Variants in CASR observed in about 807,000 individuals in gnomAD.
CASR encodes the protein calcium sensing receptor, also known as extracellular calcium-sensing receptor.
CASR carries 23 observed loss-of-function variants against 69.1 expected under a neutral mutation model. That is an observed-to-expected ratio of 0.33 (90% CI 0.24 to 0.47). The LOEUF is 0.47. CASR is among the 20% of genes least tolerant of loss of function. The pLI, the probability that CASR is intolerant of heterozygous loss-of-function variation, is 1.00. For synonymous variants in CASR, 541 were observed against 544.7 expected (o/e 0.99, Z 0.10); for missense variants, 924 against 1,356.1 (o/e 0.68, Z 5.00).
chr3:122,216,976 A>G (rs888746402), intron 1 of CASR, among the ~76,000 whole-genome samples: 9 of 152,250 alleles, frequency 5.9e-5, no homozygotes, highest in African/African-American at 2.2e-4. Context: ...CATTGAACAT[A>G]CAGTGGTGAA....
At chr3:122,238,374 C>CT (rs1176054057) in intron 1 of CASR, among the ~76,000 whole-genome samples, 2 of 152,166 alleles carry the variant, frequency 1.3e-5, no homozygotes, top group African/African-American at 2.4e-5. Flanking sequence ...TGGACCAGCC[C>CT]TAGCAAGAGG....
At chr3:122,243,864 C>A (rs1298073203) in intron 1 of CASR, among the ~76,000 whole-genome samples, 1 of 151,870 alleles carries the variant, frequency 6.6e-6, no homozygotes, top group Non-Finnish European at 1.5e-5. Context: ...AAAATGAGAT[C>A]CTGTCATTTG....
chr3:122,214,354 T>C (rs1450000079), intron 1 of CASR, among the ~76,000 whole-genome samples: 2 of 151,722 alleles, frequency 1.3e-5, no homozygotes, highest in African/African-American at 4.8e-5. Flanking sequence ...GGGGGCAGTA[T>C]AGACAAACAA....
intron 1 of CASR, among the ~76,000 whole-genome samples, chr3:122,236,067 C>A (rs936152638): frequency 4.6e-5 from 7 of 152,210 alleles, no homozygotes; most frequent in African/African-American, 1.7e-4. Flanking sequence ...CTTCCCTGCA[C>A]CCGGCCCCAT....
intron 1 of CASR, among the ~76,000 whole-genome samples, chr3:122,214,799 G>A (rs2107597865): frequency 6.6e-6 from 1 of 152,310 alleles, no homozygotes; most frequent in African/African-American, 2.4e-5. Context: ...GTGGCAGCAG[G>A]GTAGTAAGGC....
chr3:122,269,406 C>G (rs1307996138), intron 4 of CASR, among the ~76,000 whole-genome samples: 2 of 152,072 alleles, frequency 1.3e-5, no homozygotes, highest in Admixed American at 1.3e-4. Context: ...CCTATATTGC[C>G]GAGAGCTTTT....
chr3:122,251,118 T>A (rs1051531536), intron 1 of CASR, among the ~76,000 whole-genome samples: 28 of 152,120 alleles, frequency 1.8e-4, no homozygotes, highest in Non-Finnish European at 1.8e-4. Context: ...TCTGCTGGGG[T>A]CATCCTTCCA....
intron 1 of CASR, among the ~76,000 whole-genome samples, chr3:122,198,362 G>A (rs1173354452): frequency 6.6e-6 from 1 of 152,124 alleles, no homozygotes; most frequent in East Asian, 1.9e-4. Flanking sequence ...TTGGCTATGT[G>A]AATTTTGACT....
chr3:122,263,169 C>T (rs1054254297), intron 4 of CASR, among the ~76,000 whole-genome samples: 10 of 152,180 alleles, frequency 6.6e-5, no homozygotes, highest in Non-Finnish European at 1.5e-4. Flanking sequence ...CCATGTTTCA[C>T]ACTCCTTTTG....
At chr3:122,244,395 A>T (rs1160785960) in intron 1 of CASR, among the ~76,000 whole-genome samples, 5 of 152,178 alleles carry the variant, frequency 3.3e-5, no homozygotes, top group African/African-American at 1.2e-4. Context: ...CATTAGCAGG[A>T]GAATGGATAG....
At chr3:122,269,366 T>C (rs1386078286) in intron 4 of CASR, among the ~76,000 whole-genome samples, 1 of 152,228 alleles carries the variant, frequency 6.6e-6, no homozygotes, top group African/African-American at 2.4e-5. Context: ...ATAGATGCCC[T>C]TTATAGAGTT....
intron 1 of CASR, among the ~76,000 whole-genome samples, chr3:122,246,107 TA>T (rs539045652): frequency 8.8e-4 from 134 of 152,336 alleles, no homozygotes; most frequent in Admixed American, 2.0e-3. Context: ...CGTTTCAGTG[TA>T]AACCAGATAA....
intron 4 of CASR, among the ~76,000 whole-genome samples, chr3:122,266,482 T>C (rs1276243381): frequency 6.6e-6 from 1 of 152,012 alleles, no homozygotes; most frequent in Non-Finnish European, 1.5e-5. Flanking sequence ...CAGGCTGGAA[T>C]GCAGCGGCCC....
chr3:122,196,001 A>G (rs1273847110), intron 1 of CASR, among the ~76,000 whole-genome samples: 1 of 152,216 alleles, frequency 6.6e-6, no homozygotes, highest in African/African-American at 2.4e-5. Flanking sequence ...AATCGTTGAT[A>G]TGTTCAAAGA....
chr3:122,266,818 C>T (rs1049157953), intron 4 of CASR, among the ~76,000 whole-genome samples: 43 of 151,986 alleles, frequency 2.8e-4, no homozygotes, highest in Admixed American at 8.5e-4. Flanking sequence ...GCCTGGGTAA[C>T]GTGGTGAAAC....
intron 4 of CASR, among the ~76,000 whole-genome samples, chr3:122,269,121 G>A (rs548484230): frequency 1.3e-5 from 2 of 152,208 alleles, no homozygotes; most frequent in African/African-American, 4.8e-5. Flanking sequence ...AAGAAGAAAA[G>A]AAGCAACTTT....
intron 5 of CASR, among the ~76,000 whole-genome samples, chr3:122,276,666 G>A (rs151320661): frequency 1.3e-5 from 2 of 152,334 alleles, no homozygotes; most frequent in East Asian, 3.9e-4. Flanking sequence ...AGTTCACACA[G>A]AGGTAGTGTG....
chr3:122,190,924 A>C (rs1387380623), intron 1 of CASR, among the ~76,000 whole-genome samples: 1 of 152,234 alleles, frequency 6.6e-6, no homozygotes, highest in African/African-American at 2.4e-5. Flanking sequence ...CTTGCCAAAG[A>C]AAGTGCAACT....
intron 1 of CASR, among the ~76,000 whole-genome samples, chr3:122,232,684 A>G (rs1206558197): frequency 6.6e-6 from 1 of 152,196 alleles, no homozygotes; most frequent in Non-Finnish European, 1.5e-5. Flanking sequence ...GGCAGGTAAC[A>G]GCTCACATGT....
Sources: allele counts gnomAD v4.1 joint callset (sites outside exome capture counted in the v4.1 genomes callset), GRCh38; gene constraint gnomAD v4.1.1; transcripts MANE v1.5; gene names NCBI Gene and HGNC (gene_info 2026-07-23, HGNC 2026-07-21).